Variants in PDGFD observed in about 807,000 individuals in gnomAD.
The protein encoded by PDGFD is platelet derived growth factor D.
Under a neutral mutation model 44.7 loss-of-function variants are expected in PDGFD, and 30 were observed. That is an observed-to-expected ratio of 0.67 (90% CI 0.50 to 0.91). PDGFD has a LOEUF of 0.91. PDGFD is among the 40% of genes least tolerant of loss of function. PDGFD has a pLI of 0.00. For missense variants in PDGFD, 445 were observed against 457.8 expected (o/e 0.97, Z 0.25); for synonymous variants, 173 against 168.4 (o/e 1.03, Z -0.21).
intron 6 of PDGFD, among the ~76,000 whole-genome samples, chr11:103,920,308 T>C (rs1175441185): frequency 6.6e-6 from 1 of 152,278 alleles, no homozygotes; most frequent in African/African-American, 2.4e-5. Flanking sequence ...TGTACTCAGT[T>C]GCAGTTTTAA....
chr11:104,103,224 G>A (rs532855703), intron 1 of PDGFD, among the ~76,000 whole-genome samples: 9 of 152,030 alleles, frequency 5.9e-5, no homozygotes, highest in East Asian at 5.8e-4. Context: ...GAATTAATAC[G>A]TGAAGTACTG....
chr11:104,018,396 T>C (rs1023138263), intron 1 of PDGFD, among the ~76,000 whole-genome samples: 1 of 152,208 alleles, frequency 6.6e-6, no homozygotes, highest in African/African-American at 2.4e-5. Context: ...TTTCCATCTG[T>C]ATATCTCACT....
intron 6 of PDGFD, among the ~76,000 whole-genome samples, chr11:103,910,939 T>C (rs2134297709): frequency 6.6e-6 from 1 of 152,340 alleles, no homozygotes; most frequent in East Asian, 1.9e-4. Flanking sequence ...GAGGCGGTTT[T>C]ACCCTCAAAG....
chr11:104,005,070 G>A (rs1053761086), intron 1 of PDGFD, among the ~76,000 whole-genome samples: 1 of 151,900 alleles, frequency 6.6e-6, no homozygotes, highest in African/African-American at 2.4e-5. Flanking sequence ...ATAGAGACAG[G>A]GCTTCACCAT....
At chr11:104,104,499 T>G (rs957081262) in intron 1 of PDGFD, among the ~76,000 whole-genome samples, 3 of 152,142 alleles carry the variant, frequency 2.0e-5, no homozygotes, top group East Asian at 3.8e-4. Context: ...AATATATTTT[T>G]ATTATACCTC....
At chr11:104,017,080 G>C (rs1859868713) in intron 1 of PDGFD, among the ~76,000 whole-genome samples, 1 of 152,162 alleles carries the variant, frequency 6.6e-6, no homozygotes, top group Admixed American at 6.5e-5. Context: ...TGAGATTACG[G>C]ATTTATAAAA....
chr11:104,094,174 T>C (rs1167774727), intron 1 of PDGFD, among the ~76,000 whole-genome samples: 1 of 152,054 alleles, frequency 6.6e-6, no homozygotes, highest in South Asian at 2.1e-4. Flanking sequence ...CTCTCTATCT[T>C]GATACCCTAG....
chr11:103,978,914 G>C (rs1478391378), intron 3 of PDGFD, among the ~76,000 whole-genome samples: 1 of 151,978 alleles, frequency 6.6e-6, no homozygotes, highest in East Asian at 1.9e-4. Flanking sequence ...CAGAGAAGGG[G>C]ATGAATCCTG....
At chr11:103,983,643 T>A (rs1859306989) in intron 3 of PDGFD, among the ~76,000 whole-genome samples, 1 of 151,720 alleles carries the variant, frequency 6.6e-6, no homozygotes, top group Non-Finnish European at 1.5e-5. Context: ...ACCTACAGAA[T>A]GGGAGAAAAT....
At chr11:103,970,125 T>C (rs1157952737) in intron 3 of PDGFD, among the ~76,000 whole-genome samples, 2 of 152,138 alleles carry the variant, frequency 1.3e-5, no homozygotes, top group Non-Finnish European at 2.9e-5. Context: ...AGGGCAGATT[T>C]AGTGGAGTAT....
intron 1 of PDGFD, among the ~76,000 whole-genome samples, chr11:104,045,274 A>G (rs1196994465): frequency 6.6e-6 from 1 of 152,174 alleles, no homozygotes; most frequent in Admixed American, 6.5e-5. Flanking sequence ...TATAGGAGAT[A>G]TTACCTTATT....
chr11:104,091,242 T>G (rs891737873), intron 1 of PDGFD, among the ~76,000 whole-genome samples: 7 of 152,230 alleles, frequency 4.6e-5, no homozygotes, highest in Non-Finnish European at 7.3e-5. Flanking sequence ...TAAAATCATG[T>G]TAGTAATTGG....
chr11:103,980,892 A>G (rs1859261013), intron 3 of PDGFD, among the ~76,000 whole-genome samples: 1 of 151,848 alleles, frequency 6.6e-6, no homozygotes, highest in African/African-American at 2.4e-5. Flanking sequence ...TTGATCTCAG[A>G]CTCTCAGCCT....
chr11:103,944,129 T>C (rs1233133835), intron 4 of PDGFD, among the ~76,000 whole-genome samples: 1 of 152,196 alleles, frequency 6.6e-6, no homozygotes, highest in Admixed American at 6.6e-5. Context: ...GTGTGAGCAA[T>C]GTACGAATCT....
chr11:104,043,806 T>C (rs1019326869), intron 1 of PDGFD, among the ~76,000 whole-genome samples: 5 of 152,056 alleles, frequency 3.3e-5, no homozygotes, highest in African/African-American at 9.7e-5. Context: ...AGATCTTGCA[T>C]AGGGGACTCA....
At chr11:104,093,861 T>C (rs1468928847) in intron 1 of PDGFD, among the ~76,000 whole-genome samples, 3 of 149,804 alleles carry the variant, frequency 2.0e-5, no homozygotes, top group African/African-American at 7.4e-5. Flanking sequence ...ATCCTCTCTC[T>C]TTCTGATCTA....
chr11:104,082,276 C>T (rs566801413), intron 1 of PDGFD, among the ~76,000 whole-genome samples: 1 of 151,866 alleles, frequency 6.6e-6, no homozygotes, highest in Admixed American at 6.6e-5. Context: ...ATAAGGGTGC[C>T]TTTCGCTCTG....
At chr11:104,028,381 C>G (rs260858) in intron 1 of PDGFD, among the ~76,000 whole-genome samples, 6 of 151,158 alleles carry the variant, frequency 4.0e-5, no homozygotes, top group East Asian at 3.9e-4. Context: ...TCCATCCCTA[C>G]GAACACAAAT....
chr11:104,000,087 T>C lies in PDGFD; in HGVS notation c.293A>G (p.Gln98Arg), dbSNP rs2134366201. ...NTRIQLVFDN[Q>R]FGLEEAENDI... ...ATTTTCTGCTTCCTCTAATCCAAAC[T>C]GATTGTCAAACACTAGCTGTATCCG... is the stretch of plus-strand genomic sequence containing the variant. The change falls in exon 2 of 7, where the codon CAG (glutamine) becomes CGG (arginine). Residue 98 changes from glutamine to arginine, a missense_variant. By Grantham distance (43) the Gln-to-Arg change is conservative. Coordinates refer to ENST00000393158, the MANE Select transcript of PDGFD (RefSeq NM_025208.5). The C allele has an allele frequency of 1.2e-6, 2 of 1,614,150 alleles. No homozygotes were observed. The highest frequency in any genetic ancestry group is 1.1e-5 in the South Asian group (1 of 91,088).
Sources: allele counts gnomAD v4.1 joint callset (sites outside exome capture counted in the v4.1 genomes callset), GRCh38; gene constraint gnomAD v4.1.1; transcripts MANE v1.5; gene names NCBI Gene and HGNC (gene_info 2026-07-23, HGNC 2026-07-21).